The following NLRP13 variants were observed in gnomAD, a reference collection of about 807,000 sequenced individuals.
The protein encoded by NLRP13 is NLR family pyrin domain containing 13.
In NLRP13, 82 loss-of-function variants were observed where a neutral mutation model predicts 94.4. That is an observed-to-expected ratio of 0.87 (90% CI 0.73 to 1.04). The LOEUF is 1.04. NLRP13 is among the 50% of genes least tolerant of loss of function. The pLI is 0.00. For missense variants in NLRP13, 1,426 were observed against 1,230.8 expected (o/e 1.16, Z -2.37); for synonymous variants, 553 against 464.7 (o/e 1.19, Z -2.45).
At chr19:55,923,488 G>A (rs1291975149) in intron 4 of NLRP13, among the ~76,000 whole-genome samples, 7 of 152,140 alleles carry the variant, frequency 4.6e-5, no homozygotes, top group East Asian at 1.9e-4. Context: ...CATCACCCAC[G>A]CGCAGGAGTA....
At chr19:55,902,825 A>T (rs1319048889) in intron 8 of NLRP13, among the ~76,000 whole-genome samples, 1 of 149,564 alleles carries the variant, frequency 6.7e-6, no homozygotes, top group African/African-American at 2.5e-5. Flanking sequence ...ATTAAATATT[A>T]ACTATATATT....
chr19:55,919,833 C>T (rs145881587), intron 4 of NLRP13, among the ~76,000 whole-genome samples: 1 of 152,008 alleles, frequency 6.6e-6, no homozygotes, highest in East Asian at 1.9e-4. Flanking sequence ...GAAAACAATC[C>T]TAAAATTCAT....
intron 6 of NLRP13, among the ~76,000 whole-genome samples, chr19:55,909,899 C>T (rs1395310983): frequency 6.6e-6 from 1 of 152,178 alleles, no homozygotes; most frequent in Non-Finnish European, 1.5e-5. Flanking sequence ...TGAGTCAAGT[C>T]GGTCTTTACC....
chr19:55,902,125 A>G lies in NLRP13; in HGVS notation c.2699T>C (p.Leu900Pro), dbSNP rs1207558042. Residue 900 changes from leucine to proline, a missense_variant, in exon 9 of 11, where the codon CTG (leucine) becomes CCG (proline). Leu to Pro is a moderately conservative substitution (Grantham distance 98, BLOSUM62 -3). Transcript: ENST00000342929. ...ALLQNRSLTH[L>P]NLSKNSLRDE... ...TCTCAGGCTGTTCTTGCTCAGATTC[A>G]GGTGTGTCAGGCTCCTGTTCTGCAG... is the stretch of plus-strand genomic sequence containing the variant. 5.0e-6 allele frequency: 8 copies of G among 1,613,980 alleles called. No individual in the cohort carries two copies. The highest frequency in any genetic ancestry group is 1.3e-5 in the African/African-American group (1 of 74,912).
At chr19:55,893,245 G>A (rs568985027), downstream of NLRP13, among the ~76,000 whole-genome samples, 2 of 152,100 alleles carry the variant, frequency 1.3e-5, no homozygotes, top group African/African-American at 2.4e-5. Context: ...CAAGTTAGCT[G>A]GGTGTGGTGG....
At chr19:55,892,227 A>G (rs2123092605), downstream of NLRP13, 1 of 761,592 alleles carries the variant, frequency 1.3e-6, no homozygotes, top group Non-Finnish European at 1.8e-6. Flanking sequence ...ACATGGGTCT[A>G]CTGTGTGGCA....
intron 6 of NLRP13, 128 bp from the exon 7 acceptor site, chr19:55,908,084 A>G: frequency 1.3e-6 from 1 of 790,812 alleles, no homozygotes. Context: ...CAAGGAATTA[A>G]AAACAAGGGC....
chr19:55,907,757 C>A (rs757676153), intron 7 of NLRP13, 35 bp downstream of exon 7: 12 of 1,604,856 alleles, frequency 7.5e-6, no homozygotes, highest in Non-Finnish European at 9.4e-6. Context: ...GGTCTTGCAA[C>A]CCCCCTTGAC....
chr19:55,916,854 A>C (rs1986688378), intron 4 of NLRP13, among the ~76,000 whole-genome samples: 1 of 151,820 alleles, frequency 6.6e-6, no homozygotes, highest in African/African-American at 2.4e-5. Context: ...TCCAAATATA[A>C]GAGGATTAAT....
chr19:55,909,833 G>A lies in NLRP13; in HGVS notation c.2282+730C>T, dbSNP rs112473662. ...GCCTTCTATCTCGTTTTCTTGGCTT[G>A]GAATGCTCTTTTTCCCCAGGTATCC... On this transcript the variant is annotated intron_variant, in intron 6 of 10. Coordinates refer to ENST00000342929, the MANE Select transcript of NLRP13 (RefSeq NM_176810.2). Among the ~76,000 whole-genome samples the A allele has an allele frequency of 2.9e-3, 442 of 151,842 alleles. 5 individuals carry two copies. Among genetic ancestry groups the A allele is most frequent in the African/African-American group, 0.01 (426 of 41,394 alleles).
chr19:55,891,960 CA>C (rs1260451224), downstream of NLRP13: 3 of 502,680 alleles, frequency 6.0e-6, no homozygotes, highest in Non-Finnish European at 9.3e-6. Flanking sequence ...GGCTTTCCCC[CA>C]AGATCCATGG....
chr19:55,915,287 T>C (rs1986648050), intron 4 of NLRP13, among the ~76,000 whole-genome samples: 1 of 152,112 alleles, frequency 6.6e-6, no homozygotes, highest in Non-Finnish European at 1.5e-5. Flanking sequence ...TGCCAGTTCT[T>C]AGAACCAAAA....
chr19:55,902,355 G>T (rs1193725094), intron 8 of NLRP13, 150 bp from the exon 9 acceptor site: 2 of 635,890 alleles, frequency 3.1e-6, no homozygotes, highest in East Asian at 5.5e-5. Flanking sequence ...ACCGACCCAG[G>T]CTATGGCAGT....
chr19:55,908,146 A>G (rs569050517), intron 6 of NLRP13, among the ~76,000 whole-genome samples, 190 bp from the exon 7 acceptor site: 5 of 152,164 alleles, frequency 3.3e-5, no homozygotes, highest in East Asian at 1.9e-4. Context: ...ACTCCCCCCA[A>G]AAAAATCAGT....
chr19:55,895,745 A>C (rs1985989680), downstream of NLRP13, among the ~76,000 whole-genome samples: 2 of 152,206 alleles, frequency 1.3e-5, no homozygotes, highest in African/African-American at 2.4e-5. Context: ...ACCATGTTTC[A>C]AGTGCCCAAT....
intron 4 of NLRP13, among the ~76,000 whole-genome samples, chr19:55,915,048 C>CG (rs1303407877): frequency 6.6e-6 from 1 of 151,800 alleles, no homozygotes; most frequent in Non-Finnish European, 1.5e-5. Flanking sequence ...GGGAATGGCA[C>CG]GGGGAAAAGA....
intron 1 of NLRP13, among the ~76,000 whole-genome samples, chr19:55,927,686 A>G (rs756171391): frequency 2.0e-5 from 3 of 152,104 alleles, no homozygotes; most frequent in Non-Finnish European, 4.4e-5. Flanking sequence ...AAACTACCCC[A>G]AAGATCAACT....
intron 1 of NLRP13, among the ~76,000 whole-genome samples, chr19:55,926,788 A>G (rs1042454245): frequency 6.6e-6 from 1 of 152,224 alleles, no homozygotes; most frequent in Non-Finnish European, 1.5e-5. Flanking sequence ...TGATTCCTAC[A>G]TAATTTAAAA....
rs768091174 is a variant in NLRP13 at position 55,912,394 on chromosome 19, T to C, written c.1423A>G (p.Ser475Gly). The change falls in exon 5 of 11, where the codon AGC (serine) becomes GGC (glycine). Residue 475 changes from serine (S) to glycine (G), a missense_variant. Ser to Gly is a moderately conservative substitution (Grantham distance 56). Coordinates refer to ENST00000342929, the MANE Select transcript of NLRP13 (RefSeq NM_176810.2). Reference sequence around the variant, plus strand: ...AGGGCCCTCCATTGTCCTGGCCAGCTGTCATCTGCCAAATCTACCTCTGCT... The same window carrying C: ...AGGGCCCTCCATTGTCCTGGCCAGCCGTCATCTGCCAAATCTACCTCTGCT... ...STAEVDLADDSWPGQWRALCS... is the reference protein window; with the variant it reads ...STAEVDLADDGWPGQWRALCS... The C allele has an allele frequency of 2.5e-6, 4 of 1,614,152 alleles. No individual in the cohort carries two copies. Among genetic ancestry groups the C allele is most frequent in the South Asian group, 1.1e-5 (1 of 91,072 alleles).
Sources: allele counts gnomAD v4.1 joint callset (sites outside exome capture counted in the v4.1 genomes callset), GRCh38; gene constraint gnomAD v4.1.1; transcripts MANE v1.5; gene names NCBI Gene and HGNC (gene_info 2026-07-23, HGNC 2026-07-21).